Variants in ARAP2 observed in about 807,000 individuals in gnomAD.
The protein encoded by ARAP2 is ArfGAP with RhoGAP domain, ankyrin repeat and PH domain 2, also known as arf-GAP with Rho-GAP domain, ANK repeat and PH domain-containing protein 2.
Under a neutral mutation model 194.5 loss-of-function variants are expected in ARAP2, and 148 were observed. That is an observed-to-expected ratio of 0.76 (90% CI 0.67 to 0.87). ARAP2 has a LOEUF of 0.87. Ranked by LOEUF, ARAP2 falls within the 40% of genes least tolerant of loss-of-function variation. The probability of loss-of-function intolerance (pLI) is 0.00; values close to 1 mark genes in which losing one functional copy is unlikely to be tolerated. For missense variants in ARAP2, 2,128 were observed against 1,989.7 expected, an observed-to-expected ratio of 1.07 and a Z score of -1.32; for synonymous variants, 695 against 683.5, an observed-to-expected ratio of 1.02 and a Z score of -0.26.
intron 6 of ARAP2, among the ~76,000 whole-genome samples, chr4:36,196,900 T>C (rs1743233008): frequency 6.6e-6 from 1 of 151,636 alleles, no homozygotes; most frequent in South Asian, 2.1e-4. Flanking sequence ...GCTCCTAACA[T>C]GGCTGGCTCC....
rs550268915 is a variant in ARAP2, at chr4:36,147,866, G to A, written c.3001-120C>T. Reference sequence around the variant, plus strand: ...AGTTTTTCAATTTTAAAGATTCAAAGGTAACACCAAATTCAAAACAACTAA... The same window carrying A: ...AGTTTTTCAATTTTAAAGATTCAAAAGTAACACCAAATTCAAAACAACTAA... On this transcript the variant is annotated intron_variant, in intron 17 of 32. Transcript: ENST00000303965. 89 of 852,810 alleles carry A rather than the reference G, an allele frequency of 1.0e-4. 2 individuals carry two copies. In the South Asian group the frequency reaches 1.7e-3, roughly 16 times the overall value. 52.8% of individuals were successfully genotyped at this position (852,810 alleles called of 1,614,324 possible).
intron 2 of ARAP2, among the ~76,000 whole-genome samples, chr4:36,056,308 G>C (rs950313791): frequency 1.3e-5 from 2 of 152,154 alleles, no homozygotes; most frequent in African/African-American, 2.4e-5. Context: ...CAGCATGAAC[G>C]TGAAACCTGG....
chr4:36,018,145 G>C (rs536784298), intron 6 of ARAP2, among the ~76,000 whole-genome samples: 2 of 152,130 alleles, frequency 1.3e-5, no homozygotes, highest in Non-Finnish European at 2.9e-5. Context: ...AATTATTGTG[G>C]CCATGAAGTG....
At position 36,180,088 on chromosome 4, in the gene ARAP2, C is replaced by T. The variant is rs139416587; in HGVS notation, c.1679-2083G>A. Among the ~76,000 whole-genome samples, 1,521 of 152,236 alleles carry T rather than the reference C, an allele frequency of 1.0e-2. 17 individuals carry two copies. The highest frequency in any genetic ancestry group is 0.016 in the Non-Finnish European group (1,089 of 67,994). On this transcript the variant is annotated intron_variant, in intron 8 of 32. Transcript: ENST00000303965. The stretch of plus-strand genomic sequence containing the variant: ...AGGAGCTCAAGACCAGCCTGGCCAA[C>T]ATGGTGACACCCGGTCTATACTAAA...
chr4:36,061,465 T>G (rs745683666), downstream of ARAP2, among the ~76,000 whole-genome samples: 1 of 152,206 alleles, frequency 6.6e-6, no homozygotes, highest in Admixed American at 6.5e-5. Flanking sequence ...ACTTAGCATA[T>G]TGACCTCCAG....
intron 1 of ARAP2, among the ~76,000 whole-genome samples, chr4:36,240,174 G>C (rs1011544032): frequency 6.6e-6 from 1 of 152,086 alleles, no homozygotes; most frequent in Admixed American, 6.6e-5. Flanking sequence ...AAGAATACCT[G>C]ACATGAGTTA....
intron 5 of ARAP2, among the ~76,000 whole-genome samples, chr4:36,020,975 G>T (rs1444896521): frequency 6.6e-6 from 1 of 151,886 alleles, no homozygotes; most frequent in Non-Finnish European, 1.5e-5. Flanking sequence ...GAAAGGGAGA[G>T]TTTCCGATGT....
intron 5 of ARAP2, among the ~76,000 whole-genome samples, chr4:36,036,235 G>T (rs548900204): frequency 6.6e-6 from 1 of 152,006 alleles, no homozygotes; most frequent in Non-Finnish European, 1.5e-5. Flanking sequence ...TTTAGATTGG[G>T]ATCCAAATGG....
At chr4:36,158,980 AG>A in intron 14 of ARAP2, 116 bp from the exon 15 acceptor site, 1 of 1,028,008 alleles carries the variant, frequency 9.7e-7, no homozygotes, top group Non-Finnish European at 1.3e-6. Context: ...AATTTACCAA[AG>A]AATAATTACA....
At chr4:36,143,821 T>C (rs1728941063) in intron 19 of ARAP2, among the ~76,000 whole-genome samples, 1 of 151,860 alleles carries the variant, frequency 6.6e-6, no homozygotes, top group Admixed American at 6.6e-5. Context: ...GAACATAACT[T>C]GTTAGTAACA....
At chr4:36,141,235 T>A (rs903980625) in intron 19 of ARAP2, among the ~76,000 whole-genome samples, 6 of 151,386 alleles carry the variant, frequency 4.0e-5, no homozygotes, top group Non-Finnish European at 7.4e-5. Context: ...TTGACAATAT[T>A]ATTTTTTTAT....
chr4:36,150,351 T>C (rs528285073), intron 16 of ARAP2, among the ~76,000 whole-genome samples: 51 of 152,204 alleles, frequency 3.4e-4, no homozygotes, highest in South Asian at 6.2e-4. Flanking sequence ...TGCTATACAT[T>C]TACATAAGAT....
At chr4:36,093,023 C>T (rs762266738) in intron 27 of ARAP2, among the ~76,000 whole-genome samples, 1 of 151,942 alleles carries the variant, frequency 6.6e-6, no homozygotes, top group Non-Finnish European at 1.5e-5. Flanking sequence ...TATTATGTGG[C>T]CATAAAAAGG....
In ARAP2 at chr4:36,067,680, A is replaced by T; in HGVS notation, c.*227T>A. The stretch of plus-strand genomic sequence containing the variant: ...AACCCAATGTCTTCTTACACACGTT[A>T]ATACAATGGAACTTTACAAGGTTTG... On this transcript the variant is annotated 3_prime_UTR_variant, in exon 33 of 33. Transcript: ENST00000303965. The T allele has an allele frequency of 2.3e-6, 1 of 433,222 alleles. No homozygotes were observed. Among genetic ancestry groups the T allele is most frequent in the Non-Finnish European group, 4.1e-6 (1 of 246,010 alleles). 26.8% of individuals were successfully genotyped at this position (433,222 alleles called of 1,614,324 possible). A position where few individuals can be genotyped will look rare whatever the true frequency, so the allele number is the denominator to read the frequency against.
intron 19 of ARAP2, among the ~76,000 whole-genome samples, chr4:36,146,260 C>A (rs527477599): frequency 6.6e-6 from 1 of 152,008 alleles, no homozygotes; most frequent in East Asian, 1.9e-4. Flanking sequence ...CCTGACTAAA[C>A]ACCCACTTTC....
chr4:36,036,087 C>A (rs112594479), intron 5 of ARAP2, among the ~76,000 whole-genome samples: 2,012 of 152,126 alleles, frequency 0.013, 48 homozygotes, highest in African/African-American at 0.045. Context: ...GTTTGCTTCT[C>A]CTTAAAATTA....
intron 9 of ARAP2, among the ~76,000 whole-genome samples, chr4:36,007,219 C>T (rs1023996704): frequency 6.6e-6 from 1 of 152,034 alleles, no homozygotes; most frequent in African/African-American, 2.4e-5. Context: ...TAGATTCCAC[C>T]TAGAACCTGT....
chr4:36,176,420 T>C (rs1246899780), intron 9 of ARAP2, among the ~76,000 whole-genome samples: 1 of 152,174 alleles, frequency 6.6e-6, no homozygotes. Flanking sequence ...AAAATATTTA[T>C]CTTATTCCTA....
chr4:36,029,827 C>G (rs74632074), intron 5 of ARAP2, among the ~76,000 whole-genome samples: 6,376 of 152,018 alleles, frequency 0.042, 242 homozygotes, highest in African/African-American at 0.092. Context: ...TTTGACTTAG[C>G]AGTTTACAAT....
Sources: gnomAD v4.1 joint callset for allele counts (sites outside exome capture counted in the v4.1 genomes callset) on GRCh38, gnomAD v4.1.1 for gene constraint, MANE v1.5 for transcripts, NCBI Gene and HGNC (gene_info 2026-07-23, HGNC 2026-07-21) for gene names.